CFDP1: variants seen among roughly 807,000 people sequenced by gnomAD.
The protein encoded by CFDP1 is chromatin remodeling protein CFDP1.
In CFDP1, 31 loss-of-function variants were observed where a neutral mutation model predicts 40.1. The ratio of observed to expected loss-of-function variants is 0.77; its 90% CI spans 0.58 to 1.04. The LOEUF (loss-of-function observed/expected upper bound fraction) is 1.04. Ranked by LOEUF, CFDP1 falls within the 50% of genes least tolerant of loss-of-function variation. The pLI is 0.00. For synonymous variants in CFDP1, 167 were observed against 120.0 expected, an observed-to-expected ratio of 1.39 and a Z score of -2.56; for missense variants, 423 against 343.4, an observed-to-expected ratio of 1.23 and a Z score of -1.83.
rs570569615 is a variant in CFDP1 at position 75,300,755 on chromosome 16, G to T, written c.809+4269C>A. 1.6e-4 allele frequency among the ~76,000 whole-genome samples: 25 copies of T among 152,242 alleles called. 1 individual carries two copies. Among genetic ancestry groups the T allele is most frequent in the Non-Finnish European group, 2.6e-4 (18 of 68,016 alleles). The stretch of plus-strand genomic sequence containing the variant: ...ATGTCAACTAACAGCTGAAATGTAA[G>T]CCTGGAGCTCAGTGGAATGGTCAGG... On this transcript the variant is annotated intron_variant, in intron 6 of 6. Coordinates refer to ENST00000283882, the MANE Select transcript of CFDP1 (RefSeq NM_006324.3).
intron 5 of CFDP1, among the ~76,000 whole-genome samples, chr16:75,368,402 G>C (rs1034255199): frequency 6.6e-6 from 1 of 152,160 alleles, no homozygotes; most frequent in South Asian, 2.1e-4. Flanking sequence ...AGCTATCATA[G>C]ATGATGTAAA....
intron 5 of CFDP1, among the ~76,000 whole-genome samples, chr16:75,329,923 T>C (rs914959942): frequency 1.3e-5 from 2 of 152,166 alleles, no homozygotes; most frequent in African/African-American, 4.8e-5. Context: ...GCCTGATAAA[T>C]ACCAAGAATG....
intron 1 of CFDP1, among the ~76,000 whole-genome samples, chr16:75,415,104 C>T (rs1423088704): frequency 3.9e-5 from 6 of 152,218 alleles, no homozygotes; most frequent in Non-Finnish European, 2.9e-5. Context: ...ACTACCTCAT[C>T]TTGGGTATCT....
intron 6 of CFDP1, among the ~76,000 whole-genome samples, chr16:75,300,479 G>A (rs955398124): frequency 6.6e-6 from 1 of 152,118 alleles, no homozygotes; most frequent in African/African-American, 2.4e-5. Flanking sequence ...TAGAGATGGG[G>A]TTTCACCATG....
chr16:75,397,121 A>G (rs910070577), intron 4 of CFDP1, among the ~76,000 whole-genome samples: 9 of 151,524 alleles, frequency 5.9e-5, no homozygotes, highest in African/African-American at 9.7e-5. Flanking sequence ...TCACCGTGTT[A>G]GCCAGGATGG....
chr16:75,363,201 G>GT (rs551018267), intron 5 of CFDP1, among the ~76,000 whole-genome samples: 14 of 150,836 alleles, frequency 9.3e-5, no homozygotes, highest in Non-Finnish European at 1.9e-4. Context: ...ATAGAAAAAT[G>GT]TAACAACCAA....
intron 5 of CFDP1, among the ~76,000 whole-genome samples, chr16:75,384,788 A>G (rs1373220230): frequency 7.4e-6 from 1 of 134,706 alleles, no homozygotes; most frequent in Non-Finnish European, 1.6e-5. Context: ...GTTTATATTG[A>G]ACCTGGAGAG....
chr16:75,405,631 A>T (rs1411014330), intron 4 of CFDP1, among the ~76,000 whole-genome samples: 1 of 152,008 alleles, frequency 6.6e-6, no homozygotes, highest in African/African-American at 2.4e-5. Context: ...GCGTGCCTGT[A>T]GTCCAGCTAC....
At chr16:75,430,818 T>A (rs2079404257) in intron 1 of CFDP1, among the ~76,000 whole-genome samples, 1 of 152,044 alleles carries the variant, frequency 6.6e-6, no homozygotes, top group South Asian at 2.1e-4. Flanking sequence ...TCAGAGAGAA[T>A]AGGTTGCAAA....
chr16:75,386,720 G>A (rs1014165217), intron 5 of CFDP1, among the ~76,000 whole-genome samples: 16 of 152,032 alleles, frequency 1.1e-4, no homozygotes, highest in Admixed American at 8.5e-4. Flanking sequence ...GTGAGACTCC[G>A]TCTCAAAAAA....
At chr16:75,366,487 G>A (rs2078714750) in intron 5 of CFDP1, among the ~76,000 whole-genome samples, 1 of 152,154 alleles carries the variant, frequency 6.6e-6, no homozygotes, top group Non-Finnish European at 1.5e-5. Flanking sequence ...GCCGGGTGTG[G>A]TGGCACACGC....
intron 5 of CFDP1, among the ~76,000 whole-genome samples, chr16:75,328,914 T>C (rs897320892): frequency 6.8e-6 from 1 of 147,430 alleles, no homozygotes; most frequent in African/African-American, 2.5e-5. Context: ...CAGCACAACC[T>C]TGGCTCACTG....
chr16:75,326,192 G>T (rs1221815880), intron 5 of CFDP1, among the ~76,000 whole-genome samples: 1 of 152,184 alleles, frequency 6.6e-6, no homozygotes, highest in Non-Finnish European at 1.5e-5. Context: ...AGACTTTTGT[G>T]TGCCAAATGA....
chr16:75,340,122 C>A (rs2078516516), intron 5 of CFDP1, among the ~76,000 whole-genome samples: 1 of 152,134 alleles, frequency 6.6e-6, no homozygotes, highest in Admixed American at 6.5e-5. Context: ...AAATGTAACG[C>A]CAGCCTTATG....
At position 75,414,719 on chromosome 16, in the gene CFDP1, C is replaced by G. The variant is rs752733700; in HGVS notation, c.65-24G>C. 5 of 1,450,872 alleles carry G rather than the reference C, an allele frequency of 3.4e-6. No homozygotes were observed. The Admixed American group carries it at 6.7e-5, about 20-fold the overall frequency. 89.9% of individuals were successfully genotyped at this position (1,450,872 alleles called of 1,614,324 possible). A position where few individuals can be genotyped will look rare whatever the true frequency, so the allele number is the denominator to read the frequency against. On this transcript the variant is annotated intron_variant, in intron 1 of 6. Coordinates refer to ENST00000283882, the MANE Select transcript of CFDP1 (RefSeq NM_006324.3). ...ACCTGAAATCACATAACAGGGTGATCAGACAGGAATAAAGGTTTTCACATC... is the reference window on the plus strand; with the variant it reads ...ACCTGAAATCACATAACAGGGTGATGAGACAGGAATAAAGGTTTTCACATC...
chr16:75,328,814 G>C (rs1054316078), intron 5 of CFDP1, among the ~76,000 whole-genome samples: 11 of 150,712 alleles, frequency 7.3e-5, no homozygotes, highest in Admixed American at 4.6e-4. Flanking sequence ...GAGTAGCTGG[G>C]ATTACAGGCA....
rs778053724 is a variant in CFDP1, at chr16:75,414,583, T to G, written c.177A>C (p.Pro59=). Residue 59 remains proline, a synonymous_variant, in exon 2 of 7, where the codon CCA becomes CCC. Transcript: ENST00000283882. ...QGKKRKAQSI[P]ARKRRQGGLS... is the part of the protein sequence containing the mutation. ...GGCCTTGAAGGCAGCATCACCTGGC[T>G]GGAATGCTCTGGGCCTTTCTTTTTT... 8.1e-6 allele frequency: 13 copies of G among 1,604,868 alleles called. No individual in the cohort carries two copies. The highest frequency in any genetic ancestry group is 1.0e-5 in the Non-Finnish European group (12 of 1,171,694).
chr16:75,422,166 G>T (rs567941594), intron 1 of CFDP1, among the ~76,000 whole-genome samples: 1 of 151,944 alleles, frequency 6.6e-6, no homozygotes, highest in Admixed American at 6.6e-5. Flanking sequence ...GTGCGATCTC[G>T]GCTCACCGCA....
At chr16:75,332,807 T>C (rs953813006) in intron 5 of CFDP1, among the ~76,000 whole-genome samples, 1 of 151,246 alleles carries the variant, frequency 6.6e-6, no homozygotes, top group Non-Finnish European at 1.5e-5. Context: ...TCTTTTTTTT[T>C]TTTTCCTTTT....
Sources: gnomAD v4.1 joint callset for allele counts (sites outside exome capture counted in the v4.1 genomes callset) on GRCh38, gnomAD v4.1.1 for gene constraint, MANE v1.5 for transcripts, NCBI Gene and HGNC (gene_info 2026-07-23, HGNC 2026-07-21) for gene names.